The following MICAL3 variants were observed in gnomAD, a reference collection of about 807,000 sequenced individuals.
MICAL3 encodes the protein [F-actin]-monooxygenase MICAL3.
MICAL3 carries 62 observed loss-of-function variants against 207.4 expected under a neutral mutation model. The ratio of observed to expected loss-of-function variants is 0.30; its 90% CI spans 0.24 to 0.37. The LOEUF is 0.37. Ranked by LOEUF, MICAL3 falls within the 10% of genes least tolerant of loss-of-function variation. MICAL3 has a pLI of 1.00. For synonymous variants in MICAL3, 1,077 were observed against 1,069.3 expected, an observed-to-expected ratio of 1.01 and a Z score of -0.14; for missense variants, 2,368 against 2,635.6, an observed-to-expected ratio of 0.90 and a Z score of 2.22.
At position 17,850,050 on chromosome 22, in the gene MICAL3, T is replaced by C. The variant is rs114693920; in HGVS notation, c.2606-8033A>G. ...AACTATTCTTCATTTGGGGTAACTTTACTTGTATGTCGGGGCACTGAGAAT... is the reference window on the plus strand; with the variant it reads ...AACTATTCTTCATTTGGGGTAACTTCACTTGTATGTCGGGGCACTGAGAAT... On this transcript the variant is annotated intron_variant, in intron 19 of 31. Transcript: ENST00000441493. Among the ~76,000 whole-genome samples the C allele has an allele frequency of 1.0e-2, 1,517 of 152,238 alleles. 26 individuals are homozygous for C. The highest frequency in any genetic ancestry group is 0.035 in the African/African-American group (1,456 of 41,538).
chr22:17,819,881 T>A (rs981679961), intron 25 of MICAL3, among the ~76,000 whole-genome samples: 1 of 141,566 alleles, frequency 7.1e-6, no homozygotes, highest in African/African-American at 2.7e-5. Flanking sequence ...AGGTGGAGCT[T>A]GCAGTGAGCC....
chr22:17,906,435 C>T (rs1931723667), intron 2 of MICAL3, 114 bp downstream of exon 2: 21 of 1,595,452 alleles, frequency 1.3e-5, no homozygotes, highest in Non-Finnish European at 1.8e-5. Flanking sequence ...CATAGAACTT[C>T]TTGGCACCCA....
At chr22:18,022,608 T>C (rs746846326) in intron 1 of MICAL3, among the ~76,000 whole-genome samples, 6 of 152,150 alleles carry the variant, frequency 3.9e-5, no homozygotes, top group Non-Finnish European at 7.4e-5. Context: ...TTTGTATTTT[T>C]AGTAGAGACT....
At chr22:17,897,383 A>G (rs1360152429) in intron 7 of MICAL3, among the ~76,000 whole-genome samples, 3 of 137,822 alleles carry the variant, frequency 2.2e-5, no homozygotes, top group Non-Finnish European at 3.0e-5. Flanking sequence ...AGACAGCACC[A>G]CTGCACTCCA....
chr22:17,822,837 G>A, intron 23 of MICAL3, 110 bp downstream of exon 23: 1 of 641,666 alleles, frequency 1.6e-6, no homozygotes, highest in Non-Finnish European at 2.7e-6. Context: ...GAGCCAAGAA[G>A]GAACCAGGAG....
intron 1 of MICAL3, among the ~76,000 whole-genome samples, chr22:17,988,295 C>T (rs1921256958): frequency 6.6e-6 from 1 of 152,204 alleles, no homozygotes; most frequent in Non-Finnish European, 1.5e-5. Context: ...ATGTATCTGG[C>T]ATCAGGTCCC....
At chr22:17,903,422 T>C (rs559786415) in intron 3 of MICAL3, among the ~76,000 whole-genome samples, 1 of 152,336 alleles carries the variant, frequency 6.6e-6, no homozygotes, top group African/African-American at 2.4e-5. Flanking sequence ...GATAAAGATC[T>C]AGGCCCTGGT....
At chr22:17,842,052 C>T in intron 19 of MICAL3, 35 bp from the exon 20 acceptor site, 2 of 1,575,348 alleles carry the variant, frequency 1.3e-6, no homozygotes, top group Non-Finnish European at 1.7e-6. Context: ...GCACTGAGGT[C>T]CAACCACAGA....
chr22:17,810,727 C>A lies in MICAL3; in HGVS notation c.5532G>T (p.Glu1844Asp). 3 of 1,614,018 alleles carry A rather than the reference C, an allele frequency of 1.9e-6. No homozygotes were observed. Among genetic ancestry groups the A allele is most frequent in the Non-Finnish European group, 2.5e-6 (3 of 1,179,880 alleles). ...CCTGGGCTCGATGCAGCCGCTTAAG[C>A]TCCTCCTGCTTGGCCTGTCTCCGAG... Reference protein sequence around the residue: ...KAARRQAKQEELKRLHRAQII... With the variant: ...KAARRQAKQEDLKRLHRAQII... Residue 1844 changes from glutamate to aspartate, a missense_variant, in exon 28 of 32, where the codon GAG becomes GAT. By Grantham distance (45) the Glu-to-Asp change is conservative (BLOSUM62 2). Around this residue, in one of 4 missense-constraint regions of MICAL3, gnomAD observed 1,770 missense variants for 1,863.2 expected, o/e 0.95. Transcript: ENST00000441493.
chr22:18,021,061 G>A lies in MICAL3; in HGVS notation c.-75+3220C>T, dbSNP rs539168089. Among the ~76,000 whole-genome samples the A allele has an allele frequency of 4.5e-4, 68 of 152,302 alleles. No homozygotes were observed. In the South Asian group the frequency reaches 0.012, roughly 27 times the overall value. Reference sequence around the variant, plus strand: ...AGGGAATTTATTAAAGCCACACAATGTCTCCACTAGTCCCACTCTGAGTTT... The same window carrying A: ...AGGGAATTTATTAAAGCCACACAATATCTCCACTAGTCCCACTCTGAGTTT... On this transcript the variant is annotated intron_variant, in intron 1 of 31. Transcript: ENST00000441493.
chr22:17,860,718 C>G (rs1456741203), intron 19 of MICAL3: 1 of 985,422 alleles, frequency 1.0e-6, no homozygotes, highest in East Asian at 1.1e-4. Flanking sequence ...CCCCTGCGTT[C>G]CTAGTCTGCT....
In MICAL3 at chr22:17,893,972, G is replaced by A. The variant is rs984062242; in HGVS notation, c.1450-68C>T. 2.5e-5 allele frequency: 30 copies of A among 1,178,434 alleles called. No homozygotes were observed. In the South Asian group the frequency reaches 3.8e-4, roughly 15 times the overall value. 73.0% of individuals were successfully genotyped at this position (1,178,434 alleles called of 1,614,324 possible). A position where few individuals can be genotyped will look rare whatever the true frequency, so the allele number is the denominator to read the frequency against. ...TCAAGTAACAAATTCCTACCTAAGA[G>A]CAGAATGGCTGAAAGGAAAGTCTGG... is the stretch of plus-strand genomic sequence containing the variant. On this transcript the variant is annotated intron_variant, in intron 10 of 31. Coordinates refer to ENST00000441493, the MANE Select transcript of MICAL3 (RefSeq NM_015241.3).
chr22:17,796,569 G>A lies in MICAL3; in HGVS notation c.5651-5268C>T, dbSNP rs1176081087. Among the ~76,000 whole-genome samples the A allele has an allele frequency of 6.6e-6, 1 of 152,256 alleles. No homozygotes were observed. The highest frequency in any genetic ancestry group is 2.4e-5 in the African/African-American group (1 of 41,464). ...TCTTCTTGCCCACTCTGAACTCAGA[G>A]CTTTCCCTCTTCAACACAGGCTCCA... is the stretch of plus-strand genomic sequence containing the variant. On this transcript the variant is annotated intron_variant, in intron 29 of 31. Coordinates refer to ENST00000441493, the MANE Select transcript of MICAL3 (RefSeq NM_015241.3). The surrounding 1 kb of genome is among the most constrained non-coding windows in gnomAD (Gnocchi z 4.4).
intron 1 of MICAL3, among the ~76,000 whole-genome samples, chr22:17,989,373 A>G (rs993283933): frequency 1.3e-5 from 2 of 152,054 alleles, no homozygotes; most frequent in African/African-American, 4.8e-5. Flanking sequence ...CTTACCACAC[A>G]GCGCTGAAAT....
At chr22:17,795,188 C>T (rs151067988) in intron 29 of MICAL3, among the ~76,000 whole-genome samples, 19 of 152,340 alleles carry the variant, frequency 1.2e-4, no homozygotes, top group South Asian at 1.0e-3. Context: ...TAAGCACACA[C>T]GGCACAGCCG....
intron 1 of MICAL3, among the ~76,000 whole-genome samples, chr22:17,939,468 G>A (rs1309711194): frequency 1.3e-5 from 2 of 152,244 alleles, no homozygotes; most frequent in Non-Finnish European, 2.9e-5. Flanking sequence ...GCAGGGGCAA[G>A]TAGCAGCCAC....
rs1930422660 is a variant in MICAL3, at chr22:17,891,903, G to A, written c.1547-271C>T. 2.0e-5 allele frequency among the ~76,000 whole-genome samples: 3 copies of A among 152,224 alleles called. No homozygotes were observed. In the South Asian group the frequency reaches 6.2e-4, roughly 32 times the overall value. On this transcript the variant is annotated intron_variant, in intron 11 of 31. Coordinates refer to ENST00000441493, the MANE Select transcript of MICAL3 (RefSeq NM_015241.3). ...TACCCTGAGGGACCACAGCCTGACA[G>A]CCACAACCTGCTGTCCCCACGGCAC... is the stretch of plus-strand genomic sequence containing the variant.
At chr22:17,808,798 G>A (rs1447694128) in intron 29 of MICAL3, 46 bp downstream of exon 29, 3 of 1,493,310 alleles carry the variant, frequency 2.0e-6, no homozygotes, top group Non-Finnish European at 2.7e-6. Context: ...CGGCGGGAGG[G>A]AGGGCTTCCT....
intron 19 of MICAL3, among the ~76,000 whole-genome samples, chr22:17,851,559 T>G (rs906322408): frequency 1.3e-5 from 2 of 152,248 alleles, no homozygotes; most frequent in Non-Finnish European, 2.9e-5. Flanking sequence ...ATCCTCTGTC[T>G]GAGCTTCGCT....
Sources: allele counts gnomAD v4.1 joint callset (sites outside exome capture counted in the v4.1 genomes callset), GRCh38; gene constraint gnomAD v4.1.1; regional missense constraint gnomAD v4.1.1; non-coding constraint Gnocchi (gnomAD v3.1); transcripts MANE v1.5; gene names NCBI Gene and HGNC (gene_info 2026-07-23, HGNC 2026-07-21).